Variants in NEK7 observed in about 807,000 individuals in gnomAD.
NEK7 encodes the protein serine/threonine-protein kinase Nek7.
NEK7 carries 18 observed loss-of-function variants against 44.6 expected under a neutral mutation model. That is an observed-to-expected ratio of 0.40 (90% CI 0.28 to 0.60). The LOEUF is 0.60. NEK7 is among the 20% of genes least tolerant of loss of function. NEK7 has a pLI of 0.38. For missense variants in NEK7, 256 were observed against 366.5 expected (o/e 0.70, Z 2.46); for synonymous variants, 130 against 121.1 (o/e 1.07, Z -0.48).
At chr1:198,228,630 A>T (rs1030570192) in intron 1 of NEK7, among the ~76,000 whole-genome samples, 1 of 152,250 alleles carries the variant, frequency 6.6e-6, no homozygotes, top group Non-Finnish European at 1.5e-5. Context: ...CTTTGAAGCA[A>T]TTGTGAATGG....
intron 1 of NEK7, among the ~76,000 whole-genome samples, chr1:198,224,767 C>T (rs1666167373): frequency 6.6e-6 from 1 of 152,096 alleles, no homozygotes; most frequent in Non-Finnish European, 1.5e-5. Flanking sequence ...ATATAACCCA[C>T]ACAAACAAAA....
chr1:198,167,299 A>G (rs1240421081), intron 1 of NEK7, among the ~76,000 whole-genome samples: 1 of 152,160 alleles, frequency 6.6e-6, no homozygotes, highest in East Asian at 1.9e-4. Context: ...AACAAGCAAA[A>G]TCTATGCTTT....
chr1:198,299,686 G>A (rs986095800), intron 9 of NEK7, among the ~76,000 whole-genome samples: 61 of 152,258 alleles, frequency 4.0e-4, no homozygotes, highest in Middle Eastern at 3.4e-3. Context: ...TGTAGCTACT[G>A]CCAAATTTTT....
chr1:198,293,138 A>T, intron 8 of NEK7, 99 bp downstream of exon 8: 2 of 635,196 alleles, frequency 3.1e-6, no homozygotes, highest in African/African-American at 1.9e-5. Context: ...GATGTTTAAG[A>T]ATCACCTTTT....
chr1:198,185,946 A>G (rs1664909553), intron 1 of NEK7, among the ~76,000 whole-genome samples: 5 of 152,246 alleles, frequency 3.3e-5, no homozygotes, highest in African/African-American at 1.2e-4. Flanking sequence ...AAATATTAAA[A>G]GTGAAAATGA....
rs1447911335 is a variant in NEK7 at position 198,252,566 on chromosome 1, AT to A, written c.58-473del. 0.014 allele frequency among the ~76,000 whole-genome samples: 740 copies of A among 52,448 alleles called. 27 individuals are homozygous for A. In the East Asian group the frequency reaches 0.19, roughly 14 times the overall value. The allele number at this position is 52,448 out of a possible 152,430, so 34.4% of individuals were successfully genotyped here. A position where few individuals can be genotyped will look rare whatever the true frequency, so the allele number is the denominator to read the frequency against. On this transcript the variant is annotated intron_variant, in intron 2 of 9. Transcript: ENST00000367385. The stretch of plus-strand genomic sequence containing the variant: ...TATATATATATATATATATATATAT[AT>A]AAAAAGTACATATATACACATATAT...
intron 3 of NEK7, among the ~76,000 whole-genome samples, chr1:198,254,740 C>T (rs1457464214): frequency 6.6e-6 from 1 of 152,110 alleles, no homozygotes; most frequent in African/African-American, 2.4e-5. Context: ...CAAGTTAATG[C>T]CAAGTTGCTT....
intron 1 of NEK7, among the ~76,000 whole-genome samples, chr1:198,205,546 C>G (rs12035574): frequency 0.14 from 20,910 of 152,026 alleles, 2,107 homozygotes; most frequent in East Asian, 0.57. Context: ...AGTATGCACT[C>G]AGGATTACTT....
chr1:198,278,367 T>C (rs1654086712), intron 6 of NEK7, among the ~76,000 whole-genome samples: 1 of 151,596 alleles, frequency 6.6e-6, no homozygotes, highest in African/African-American at 2.4e-5. Context: ...ATAAACAATG[T>C]ATATCATAAC....
intron 7 of NEK7, among the ~76,000 whole-genome samples, chr1:198,279,446 A>G (rs554575894): frequency 2.8e-4 from 42 of 152,116 alleles, no homozygotes; most frequent in African/African-American, 1.0e-3. Context: ...ATTTATTAAA[A>G]TAAAGTATAT....
intron 9 of NEK7, among the ~76,000 whole-genome samples, chr1:198,298,850 T>A (rs1238031156): frequency 6.6e-6 from 1 of 152,230 alleles, no homozygotes; most frequent in Non-Finnish European, 1.5e-5. Context: ...AGCAGGCGGT[T>A]ACCATGGTGA....
chr1:198,320,526 T>C lies in NEK7; in HGVS notation c.*1004T>C, dbSNP rs1352090549. On this transcript the variant is annotated 3_prime_UTR_variant, in exon 10 of 10. Transcript: ENST00000367385. Reference sequence around the variant, plus strand: ...TCTTATTTATATTGTATGTGCATTTTATCCATTAATGTTTCATACTTTCTG... The same window carrying C: ...TCTTATTTATATTGTATGTGCATTTCATCCATTAATGTTTCATACTTTCTG... The C allele has an allele frequency of 6.6e-6, 1 of 152,206 alleles. No homozygotes were observed. Among genetic ancestry groups the C allele is most frequent in the Non-Finnish European group, 1.5e-5 (1 of 68,020 alleles). The allele number at this position is 152,206 out of a possible 1,614,324, so 9.4% of individuals were successfully genotyped here. A position where few individuals can be genotyped will look rare whatever the true frequency, so the allele number is the denominator to read the frequency against.
intron 8 of NEK7, among the ~76,000 whole-genome samples, chr1:198,296,817 G>C (rs1409058596): frequency 1.3e-5 from 2 of 152,022 alleles, no homozygotes; most frequent in East Asian, 3.8e-4. Flanking sequence ...TGTCATTATA[G>C]GTACAAAGAG....
At chr1:198,226,680 A>T (rs528051377) in intron 1 of NEK7, among the ~76,000 whole-genome samples, 1 of 152,048 alleles carries the variant, frequency 6.6e-6, no homozygotes. Flanking sequence ...AATGCTTGTT[A>T]TAGCCTTTTG....
At chr1:198,229,350 T>C (rs1666319545) in intron 1 of NEK7, among the ~76,000 whole-genome samples, 1 of 152,188 alleles carries the variant, frequency 6.6e-6, no homozygotes, top group Non-Finnish European at 1.5e-5. Context: ...TAATATTCTT[T>C]ATAATAGACT....
intron 7 of NEK7, among the ~76,000 whole-genome samples, chr1:198,286,819 A>C (rs942880243): frequency 6.6e-6 from 1 of 152,130 alleles, no homozygotes; most frequent in East Asian, 1.9e-4. Context: ...GCTGAGGGCC[A>C]TTCCCAGCTT....
chr1:198,193,149 A>G (rs1431361800), intron 1 of NEK7, among the ~76,000 whole-genome samples: 1 of 152,172 alleles, frequency 6.6e-6, no homozygotes, highest in African/African-American at 2.4e-5. Context: ...CCACAGAAAT[A>G]CAAACAACCA....
intron 1 of NEK7, among the ~76,000 whole-genome samples, chr1:198,177,758 T>G (rs78747399): frequency 6.6e-6 from 1 of 152,014 alleles, no homozygotes; most frequent in African/African-American, 2.4e-5. Flanking sequence ...CCTCGGGTTG[T>G]GTGCCAGAAG....
chr1:198,208,224 G>T, intron 1 of NEK7, among the ~76,000 whole-genome samples: 1 of 152,230 alleles, frequency 6.6e-6, no homozygotes. Context: ...TGATGTATTG[G>T]ATATAGTATG....
Sources: gnomAD v4.1 joint callset for allele counts (sites outside exome capture counted in the v4.1 genomes callset) on GRCh38, gnomAD v4.1.1 for gene constraint, MANE v1.5 for transcripts, NCBI Gene and HGNC (gene_info 2026-07-23, HGNC 2026-07-21) for gene names.